CFAP61: variants seen among roughly 807,000 people sequenced by gnomAD.
The protein encoded by CFAP61 is cilia- and flagella-associated protein 61.
Under a neutral mutation model 135.6 loss-of-function variants are expected in CFAP61, and 107 were observed. That is an observed-to-expected ratio of 0.79 (90% CI 0.67 to 0.93). CFAP61 has a LOEUF of 0.93. Ranked by LOEUF, CFAP61 falls within the 40% of genes least tolerant of loss-of-function variation. The pLI, the probability that CFAP61 is intolerant of heterozygous loss-of-function variation, is 0.00. For synonymous variants in CFAP61, 575 were observed against 578.5 expected (o/e 0.99, Z 0.09); for missense variants, 1,507 against 1,556.2 (o/e 0.97, Z 0.53).
intron 22 of CFAP61, among the ~76,000 whole-genome samples, chr20:20,285,800 G>C (rs1199982370): frequency 1.3e-5 from 2 of 151,670 alleles, no homozygotes; most frequent in Non-Finnish European, 2.9e-5. Flanking sequence ...AGCACCTGTA[G>C]TTCCAGCTAC....
At chr20:20,127,826 C>T (rs967203761) in intron 8 of CFAP61, among the ~76,000 whole-genome samples, 3 of 151,638 alleles carry the variant, frequency 2.0e-5, no homozygotes, top group Admixed American at 2.0e-4. Flanking sequence ...CATGGCTAGG[C>T]ATGTCTGAGC....
At chr20:20,054,170 A>C (rs1242124733) in intron 1 of CFAP61, among the ~76,000 whole-genome samples, 1 of 151,504 alleles carries the variant, frequency 6.6e-6, no homozygotes, top group African/African-American at 2.4e-5. Flanking sequence ...AGAATATACC[A>C]TCTCCTAGTT....
In CFAP61 at chr20:20,360,402, A is replaced by G. The variant is rs772391113; in HGVS notation, c.3706A>G (p.Ile1236Val). The G allele has an allele frequency of 6.2e-7, 1 of 1,613,690 alleles. No homozygotes were observed. Among genetic ancestry groups the G allele is most frequent in the South Asian group, 1.1e-5 (1 of 91,082 alleles). Residue 1236 changes from isoleucine to valine, a missense_variant, in exon 27 of 27, where the codon ATC becomes GTC. Coordinates refer to ENST00000245957, the MANE Select transcript of CFAP61 (RefSeq NM_015585.4). ...CCTGCCCATGTACGCGTGGCCAGGC[A>G]TCGTTTAGTTGTAGGCAGGGTCTCC... ...YHLPMYAWPG[I>V]V
At chr20:20,248,850 T>C (rs2050665715) in intron 19 of CFAP61, among the ~76,000 whole-genome samples, 1 of 152,214 alleles carries the variant, frequency 6.6e-6, no homozygotes, top group Admixed American at 6.5e-5. Context: ...CTGCTACTCA[T>C]CTATGCCCTC....
chr20:20,246,829 G>A (rs2050493129), intron 19 of CFAP61, among the ~76,000 whole-genome samples: 1 of 152,190 alleles, frequency 6.6e-6, no homozygotes, highest in Non-Finnish European at 1.5e-5. Flanking sequence ...GAAGGAAATT[G>A]TTCCCTCCCA....
chr20:20,105,888 C>G (rs1317842006), intron 8 of CFAP61, among the ~76,000 whole-genome samples: 1 of 150,588 alleles, frequency 6.6e-6, no homozygotes, highest in Non-Finnish European at 1.5e-5. Flanking sequence ...ATCCGCCCAC[C>G]TCAGCCTCCC....
At chr20:20,218,907 A>G (rs781458013) in intron 17 of CFAP61, among the ~76,000 whole-genome samples, 1 of 152,212 alleles carries the variant, frequency 6.6e-6, no homozygotes, top group Non-Finnish European at 1.5e-5. Flanking sequence ...CTTCCCCACT[A>G]ACAAGTTAGA....
At chr20:20,244,476 A>G (rs2050277107) in intron 18 of CFAP61, among the ~76,000 whole-genome samples, 1 of 152,230 alleles carries the variant, frequency 6.6e-6, no homozygotes, top group South Asian at 2.1e-4. Context: ...CTGAAGCCAT[A>G]GCCTGAGCTC....
chr20:20,142,816 A>G (rs866755318), intron 8 of CFAP61, 41 bp from the exon 9 acceptor site: 1 of 1,099,388 alleles, frequency 9.1e-7, no homozygotes, highest in Non-Finnish European at 1.4e-6. Flanking sequence ...GCAGATATTT[A>G]TCATCTATTT....
chr20:20,063,804 A>C (rs1353495602), intron 2 of CFAP61, among the ~76,000 whole-genome samples: 2 of 152,210 alleles, frequency 1.3e-5, no homozygotes, highest in African/African-American at 4.8e-5. Flanking sequence ...AATGGAAAGG[A>C]ATGTGAATTA....
chr20:20,279,422 ATAAAG>A (rs2147046594), intron 22 of CFAP61, among the ~76,000 whole-genome samples: 1 of 152,332 alleles, frequency 6.6e-6, no homozygotes, highest in South Asian at 2.1e-4. Flanking sequence ...TATCCTCACC[ATAAAG>A]TAAACTAGAG....
At position 20,246,274 on chromosome 20, in the gene CFAP61, C is replaced by G. The variant is rs989341339; in HGVS notation, c.2159+59C>G. 6 of 1,016,338 alleles carry G rather than the reference C, an allele frequency of 5.9e-6. No homozygotes were observed. The African/African-American group carries it at 9.6e-5, about 16-fold the overall frequency. The allele number at this position is 1,016,338 out of a possible 1,614,324, so 63.0% of individuals were successfully genotyped here. A position where few individuals can be genotyped will look rare whatever the true frequency, so the allele number is the denominator to read the frequency against. On this transcript the variant is annotated intron_variant, in intron 19 of 26. Coordinates refer to ENST00000245957, the MANE Select transcript of CFAP61 (RefSeq NM_015585.4). Reference sequence around the variant, plus strand: ...CTAAATGTCCTACTCTGTGTGCAGTCTATTTAATGCTAAATAGTAGATTTC... The same window carrying G: ...CTAAATGTCCTACTCTGTGTGCAGTGTATTTAATGCTAAATAGTAGATTTC...
intron 8 of CFAP61, among the ~76,000 whole-genome samples, chr20:20,120,975 G>A (rs1256811604): frequency 6.6e-6 from 1 of 151,890 alleles, no homozygotes. Context: ...CAGTTGCATG[G>A]AATATATTTT....
chr20:20,173,651 T>C (rs1286252489), intron 13 of CFAP61, among the ~76,000 whole-genome samples: 3 of 152,270 alleles, frequency 2.0e-5, no homozygotes, highest in Non-Finnish European at 4.4e-5. Flanking sequence ...TGCAGTACTT[T>C]TGTGATAGAA....
intron 7 of CFAP61, among the ~76,000 whole-genome samples, chr20:20,097,793 C>T (rs776976426): frequency 6.6e-6 from 1 of 152,240 alleles, no homozygotes; most frequent in Non-Finnish European, 1.5e-5. Context: ...TTCCACCAAA[C>T]TTCCTTCCCT....
At chr20:20,211,956 G>A (rs1191192431) in intron 17 of CFAP61, among the ~76,000 whole-genome samples, 2 of 147,482 alleles carry the variant, frequency 1.4e-5, no homozygotes, top group Non-Finnish European at 3.0e-5. Flanking sequence ...TGGAGTTGAC[G>A]GTTGATTTAA....
intron 8 of CFAP61, among the ~76,000 whole-genome samples, chr20:20,119,489 A>C (rs1433028120): frequency 1.3e-5 from 2 of 151,658 alleles, no homozygotes; most frequent in African/African-American, 4.8e-5. Flanking sequence ...ATTTTATTTG[A>C]GTCTTTTCTC....
intron 25 of CFAP61, 26 bp downstream of exon 25, chr20:20,298,412 C>T: frequency 6.4e-7 from 1 of 1,559,922 alleles, no homozygotes; most frequent in Non-Finnish European, 8.8e-7. Flanking sequence ...CATTTGACTA[C>T]AGGGAAATAC....
intron 1 of CFAP61, among the ~76,000 whole-genome samples, chr20:20,054,013 G>GTTTTTTTTTTTTTTTTT (rs1239349657): frequency 7.6e-4 from 45 of 58,892 alleles, no homozygotes; most frequent in Non-Finnish European, 8.8e-4. Flanking sequence ...TTTTTTGTTT[G>GTTTTTTTTTTTTTTTTT]TTTTTTTTTT....
Sources: gnomAD v4.1 joint callset for allele counts (sites outside exome capture counted in the v4.1 genomes callset) on GRCh38, gnomAD v4.1.1 for gene constraint, MANE v1.5 for transcripts, NCBI Gene and HGNC (gene_info 2026-07-23, HGNC 2026-07-21) for gene names.